Variants in ANO5 observed in about 807,000 individuals in gnomAD.
ANO5 encodes the protein anoctamin-5.
Under a neutral mutation model 121.0 loss-of-function variants are expected in ANO5, and 109 were observed. The ratio of observed to expected loss-of-function variants is 0.90; its 90% CI spans 0.77 to 1.06. The LOEUF is 1.06. Ranked by LOEUF, ANO5 falls within the 50% of genes least tolerant of loss-of-function variation. The probability of loss-of-function intolerance (pLI) is 0.00; values close to 1 mark genes in which losing one functional copy is unlikely to be tolerated. For missense variants in ANO5, 1,064 were observed against 1,078.5 expected (o/e 0.99, Z 0.19); for synonymous variants, 406 against 359.9 (o/e 1.13, Z -1.45).
Position 22,218,297 on chromosome 11 carries a change from G to T in ANO5, c.180+10G>T, listed in dbSNP as rs1232944321. 5.0e-6 allele frequency: 8 copies of T among 1,613,168 alleles called. No individual in the cohort carries two copies. The highest frequency in any genetic ancestry group is 1.3e-5 in the African/African-American group (1 of 74,840). ...GAGGCGGCGGCTTATGGTAAAACCA[G>T]TGCTGAATGATGCTGCTTATGCTCT... On this transcript the variant is annotated intron_variant, in intron 4 of 21. Coordinates refer to ENST00000324559, the MANE Select transcript of ANO5 (RefSeq NM_213599.3).
chr11:22,278,963 C>A (rs1197673230), intron 21 of ANO5, among the ~76,000 whole-genome samples: 1 of 151,466 alleles, frequency 6.6e-6, no homozygotes, highest in Non-Finnish European at 1.5e-5. Flanking sequence ...ATAATTTCTG[C>A]AGAAAACAAA....
intron 1 of ANO5, among the ~76,000 whole-genome samples, chr11:22,202,004 T>C (rs1211541748): frequency 6.6e-6 from 1 of 151,996 alleles, no homozygotes; most frequent in Non-Finnish European, 1.5e-5. Context: ...GAAAGGAGAC[T>C]AGTGGGCCAG....
intron 17 of ANO5, among the ~76,000 whole-genome samples, chr11:22,266,513 T>G (rs919061600): frequency 2.0e-5 from 3 of 152,208 alleles, no homozygotes; most frequent in African/African-American, 7.2e-5. Context: ...TTTGCATTTT[T>G]CTGATTAACA....
intron 2 of ANO5, among the ~76,000 whole-genome samples, chr11:22,207,034 C>G (rs1265552434): frequency 6.6e-6 from 1 of 151,604 alleles, no homozygotes; most frequent in Non-Finnish European, 1.5e-5. Context: ...AAGACAAAAA[C>G]AAAATTTCCT....
At chr11:22,197,834 C>T (rs1312007465) in intron 1 of ANO5, among the ~76,000 whole-genome samples, 1 of 152,220 alleles carries the variant, frequency 6.6e-6, no homozygotes, top group African/African-American at 2.4e-5. Context: ...GGAATCTAGC[C>T]CGCAGGGAGA....
At chr11:22,230,253 A>G (rs1378609866) in intron 7 of ANO5, among the ~76,000 whole-genome samples, 1 of 151,956 alleles carries the variant, frequency 6.6e-6, no homozygotes, top group Non-Finnish European at 1.5e-5. Context: ...AGGAATTTCT[A>G]TGTGTATAGA....
In ANO5 at chr11:22,262,138, G is replaced by A. The variant is rs139618850; in HGVS notation, c.1640G>A (p.Arg547Gln). Residue 547 changes from arginine (R) to glutamine (Q), a missense_variant, in exon 16 of 22, where the codon CGA (arginine) becomes CAA (glutamine). Physicochemically the swap from Arg to Gln is conservative, Grantham distance 43. Transcript: ENST00000324559. ...SAWITKMEIPRTYQEYESSLT... is the reference protein window; with the variant it reads ...SAWITKMEIPQTYQEYESSLT... ...TTTTTTAACTTAACAGAAATTCCTCGAACATACCAGGAGTATGAGAGCAGT... is the reference window on the plus strand; with the variant it reads ...TTTTTTAACTTAACAGAAATTCCTCAAACATACCAGGAGTATGAGAGCAGT... 294 of 1,613,398 alleles carry A rather than the reference G, an allele frequency of 1.8e-4. 2 individuals are homozygous for A. In the East Asian group the frequency reaches 5.2e-3, roughly 29 times the overall value.
chr11:22,270,210 T>C, intron 17 of ANO5, 102 bp from the exon 18 acceptor site: 2 of 1,432,448 alleles, frequency 1.4e-6, no homozygotes, highest in Non-Finnish European at 1.9e-6. Flanking sequence ...CTTAAGTTAT[T>C]TAATCTCTAA....
chr11:22,236,277 G>A lies in ANO5; in HGVS notation c.762+1G>A, dbSNP rs372221490. 3.3e-5 allele frequency: 53 copies of A among 1,597,680 alleles called. No homozygotes were observed. Among genetic ancestry groups the A allele is most frequent in the Non-Finnish European group, 4.4e-5 (51 of 1,165,658 alleles). ...CTCATCTGCCTATCCACTCCATGAT[G>A]TATGTATAGGTTTGATTGTGAAAAT... On this transcript the variant is annotated splice_donor_variant, in intron 8 of 21. Coordinates refer to ENST00000324559, the MANE Select transcript of ANO5 (RefSeq NM_213599.3). LOFTEE classifies it high-confidence loss of function.
At chr11:22,216,347 T>TTTGATA (rs371830314) in intron 3 of ANO5, among the ~76,000 whole-genome samples, 40 of 152,036 alleles carry the variant, frequency 2.6e-4, no homozygotes, top group African/African-American at 8.2e-4. Flanking sequence ...TTCACCAACA[T>TTTGATA]TTGATATTGA....
intron 9 of ANO5, among the ~76,000 whole-genome samples, chr11:22,247,000 A>G (rs1344899449): frequency 6.6e-6 from 1 of 152,092 alleles, no homozygotes; most frequent in African/African-American, 2.4e-5. Flanking sequence ...AGATAATCAG[A>G]TGGTGGTTTC....
chr11:22,260,558 CT>C (rs1329663014), intron 15 of ANO5, among the ~76,000 whole-genome samples: 10 of 152,192 alleles, frequency 6.6e-5, no homozygotes, highest in Admixed American at 6.5e-4. Context: ...TTACTTTTCT[CT>C]GCTATCAACA....
chr11:22,206,608 C>T (rs1355742126), intron 2 of ANO5, among the ~76,000 whole-genome samples: 1 of 152,062 alleles, frequency 6.6e-6, no homozygotes, highest in Non-Finnish European at 1.5e-5. Context: ...GCTACTGTGC[C>T]TGGTCTCCAT....
Position 22,255,472 on chromosome 11 carries a change from C to A in ANO5, c.1282C>A (p.Pro428Thr), listed in dbSNP as rs199932112. 1.2e-6 allele frequency: 2 copies of A among 1,613,148 alleles called. No individual in the cohort carries two copies. Among genetic ancestry groups the A allele is most frequent in the African/African-American group, 2.7e-5 (2 of 74,814 alleles). Residue 428 changes from proline to threonine, a missense_variant, in exon 13 of 22, where the codon CCA becomes ACA. Physicochemically the swap from Pro to Thr is conservative, Grantham distance 38 (BLOSUM62 -1). Transcript: ENST00000324559. ...EEEQQQLQLRPEFEAMCKHRK... is the reference protein window; with the variant it reads ...EEEQQQLQLRTEFEAMCKHRK... ...GGAACAGCAGCAGCTTCAGCTGAGA[C>A]CAGAATTTGAAGCTATGTGTAAACA...
intron 17 of ANO5, among the ~76,000 whole-genome samples, chr11:22,266,804 TG>T (rs1421943477): frequency 1.3e-5 from 2 of 152,170 alleles, no homozygotes; most frequent in African/African-American, 4.8e-5. Flanking sequence ...TTGTGGGGTG[TG>T]GGTTATCCTT....
chr11:22,222,845 C>A (rs1852698954), intron 5 of ANO5, among the ~76,000 whole-genome samples: 1 of 151,888 alleles, frequency 6.6e-6, no homozygotes, highest in Non-Finnish European at 1.5e-5. Flanking sequence ...GGCAATCATA[C>A]TTTCCTTCCA....
At position 22,193,106 on chromosome 11, in the gene ANO5, C is replaced by A; in HGVS notation, c.-387C>A. On this transcript the variant is annotated 5_prime_UTR_variant, in exon 1 of 22. Transcript: ENST00000324559. Reference sequence around the variant, plus strand: ...GAGTGGAAAGGATCCTGGCGAGCACCGGGAGGAGTGGCGGCTGCGGGATCA... The same window carrying A: ...GAGTGGAAAGGATCCTGGCGAGCACAGGGAGGAGTGGCGGCTGCGGGATCA... The A allele has an allele frequency of 9.0e-7, 1 of 1,109,002 alleles. No individual in the cohort carries two copies. Among genetic ancestry groups the A allele is most frequent in the Non-Finnish European group, 1.1e-6 (1 of 902,046 alleles). The allele number at this position is 1,109,002 out of a possible 1,614,324, so 68.7% of individuals were successfully genotyped here. A position where few individuals can be genotyped will look rare whatever the true frequency, so the allele number is the denominator to read the frequency against.
rs148291343 is a variant in ANO5 at position 22,254,976 on chromosome 11, C to T, written c.1181-395C>T. 3.4e-3 allele frequency among the ~76,000 whole-genome samples: 512 copies of T among 151,718 alleles called. 2 individuals are homozygous for T. The highest frequency in any genetic ancestry group is 0.012 in the African/African-American group (493 of 41,332). On this transcript the variant is annotated intron_variant, in intron 12 of 21. Transcript: ENST00000324559. ...TCTTATGCTTCCTAGGTATATTTCC[C>T]CAAGCCTGAGAAAGCAGTACAAAGA... is the stretch of plus-strand genomic sequence containing the variant.
intron 12 of ANO5, among the ~76,000 whole-genome samples, 198 bp from the exon 13 acceptor site, chr11:22,255,173 A>AT (rs1057213337): frequency 1.3e-4 from 19 of 151,884 alleles, no homozygotes; most frequent in African/African-American, 3.9e-4. Flanking sequence ...TTTTTGTATG[A>AT]TTTTTTTTCA....
Sources: allele counts gnomAD v4.1 joint callset (sites outside exome capture counted in the v4.1 genomes callset), GRCh38; gene constraint gnomAD v4.1.1; transcripts MANE v1.5; gene names NCBI Gene and HGNC (gene_info 2026-07-23, HGNC 2026-07-21).